Variants in VEPH1 observed in about 807,000 individuals in gnomAD.
VEPH1 encodes ventricular zone-expressed PH domain-containing protein homolog 1.
VEPH1 carries 80 observed loss-of-function variants against 85.2 expected under a neutral mutation model. That is an observed-to-expected ratio of 0.94 (90% CI 0.78 to 1.13). VEPH1 has a LOEUF of 1.13. Ranked by LOEUF, VEPH1 falls within the 50% of genes most tolerant of loss-of-function variation. The probability of loss-of-function intolerance (pLI) is 0.00; values close to 1 mark genes in which losing one functional copy is unlikely to be tolerated. For missense variants in VEPH1, 955 were observed against 980.5 expected (o/e 0.97, Z 0.35); for synonymous variants, 297 against 348.0 (o/e 0.85, Z 1.63).
chr3:157,319,047 GA>G (rs2108540839), intron 9 of VEPH1, among the ~76,000 whole-genome samples: 1 of 152,220 alleles, frequency 6.6e-6, no homozygotes, highest in South Asian at 2.1e-4. Context: ...AGGCTTTCAG[GA>G]AAAGTTTGAA....
chr3:157,270,713 G>A (rs955844680), intron 12 of VEPH1, among the ~76,000 whole-genome samples: 2 of 151,806 alleles, frequency 1.3e-5, no homozygotes, highest in Admixed American at 6.6e-5. Context: ...ATGTATTTTC[G>A]AGCACAGATA....
intron 7 of VEPH1, 160 bp downstream of exon 7, chr3:157,380,996 A>G: frequency 1.4e-6 from 1 of 695,586 alleles, no homozygotes; most frequent in East Asian, 2.7e-5. Context: ...TCACACATTT[A>G]GAAGAAAGAT....
intron 5 of VEPH1, among the ~76,000 whole-genome samples, chr3:157,427,791 C>T (rs1732861239): frequency 6.6e-6 from 1 of 152,178 alleles, no homozygotes; most frequent in South Asian, 2.1e-4. Flanking sequence ...TTGACTGGGT[C>T]ATGGGGCACC....
intron 2 of VEPH1, among the ~76,000 whole-genome samples, chr3:157,493,544 G>A (rs1219821877): frequency 6.6e-6 from 1 of 152,146 alleles, no homozygotes; most frequent in Admixed American, 6.5e-5. Flanking sequence ...CCATGAGAGG[G>A]TTACAGATAG....
intron 9 of VEPH1, among the ~76,000 whole-genome samples, chr3:157,320,346 G>C (rs1721221821): frequency 6.6e-6 from 1 of 152,150 alleles, no homozygotes; most frequent in African/African-American, 2.4e-5. Context: ...TGGAGAAGGA[G>C]ATATTTGAGG....
intron 6 of VEPH1, among the ~76,000 whole-genome samples, chr3:157,413,216 GA>G (rs1731655910): frequency 6.6e-6 from 1 of 152,062 alleles, no homozygotes; most frequent in Admixed American, 6.6e-5. Flanking sequence ...TTTGAAACCT[GA>G]ATTTCTGAAA....
intron 11 of VEPH1, among the ~76,000 whole-genome samples, chr3:157,304,031 A>ATATATATATATATATATC (rs1719166561): frequency 8.1e-6 from 1 of 123,212 alleles, no homozygotes; most frequent in African/African-American, 2.7e-5. Context: ...TTTTATATAT[A>ATATATATATATATATATC]TATATATACA....
Position 157,460,318 on chromosome 3 carries a change from G to C in VEPH1, c.392C>G (p.Pro131Arg). The change falls in exon 4 of 14, where the codon CCC becomes CGC. Residue 131 changes from proline to arginine, a missense_variant. Physicochemically the swap from Pro to Arg is moderately radical, Grantham distance 103. Coordinates refer to ENST00000362010, the MANE Select transcript of VEPH1 (RefSeq NM_001167912.2). ...NRPPVMALAIPIAVKFLHRGN... is the reference protein window; with the variant it reads ...NRPPVMALAIRIAVKFLHRGN... ...TCTGTGGAGGAATTTCACTGCAATGGGGATGGCTAATGCCATCACTGGGGG... is the reference window on the plus strand; with the variant it reads ...TCTGTGGAGGAATTTCACTGCAATGCGGATGGCTAATGCCATCACTGGGGG... 3 of 1,614,076 alleles carry C rather than the reference G, an allele frequency of 1.9e-6. No homozygotes were observed. The highest frequency in any genetic ancestry group is 1.1e-5 in the South Asian group (1 of 91,070).
At chr3:157,281,581 C>T (rs973108581) in intron 12 of VEPH1, among the ~76,000 whole-genome samples, 12 of 151,832 alleles carry the variant, frequency 7.9e-5, no homozygotes, top group East Asian at 3.9e-4. Context: ...GCTTGCCACC[C>T]GGCTGGAGTG....
At chr3:157,282,741 T>A (rs1258021359) in intron 12 of VEPH1, among the ~76,000 whole-genome samples, 3 of 152,188 alleles carry the variant, frequency 2.0e-5, no homozygotes, top group Non-Finnish European at 4.4e-5. Context: ...ACTCTTACTG[T>A]CAACATACAC....
intron 2 of VEPH1, among the ~76,000 whole-genome samples, chr3:157,489,937 T>A (rs1012402201): frequency 5.3e-5 from 8 of 151,850 alleles, no homozygotes; most frequent in African/African-American, 1.2e-4. Context: ...AATATAATTT[T>A]AAAAAAGAAT....
chr3:157,493,054 C>G (rs1377122730), intron 2 of VEPH1: 2 of 297,656 alleles, frequency 6.7e-6, no homozygotes, highest in Admixed American at 4.7e-5. Context: ...TCTCCCCCAC[C>G]ACTGATAGGG....
intron 2 of VEPH1, among the ~76,000 whole-genome samples, chr3:157,483,756 C>T (rs997685201): frequency 6.6e-6 from 1 of 151,914 alleles, no homozygotes; most frequent in African/African-American, 2.4e-5. Flanking sequence ...CAGAATACGA[C>T]GGATAGGAGG....
rs150924781 is a variant in VEPH1 at position 157,474,575 on chromosome 3, T to C, written c.139-4046A>G. On this transcript the variant is annotated intron_variant, in intron 2 of 13. Transcript: ENST00000362010. ...AATAGTAAAAAATATGCCTAGTACA[T>C]AGAGTATACAGAAGTCCTTGATCAT... Among the ~76,000 whole-genome samples the C allele has an allele frequency of 4.1e-3, 618 of 152,334 alleles. 2 individuals are homozygous for C. Among genetic ancestry groups the C allele is most frequent in the African/African-American group, 0.014 (581 of 41,570 alleles).
At chr3:157,417,436 C>T (rs1316936024) in intron 5 of VEPH1, among the ~76,000 whole-genome samples, 4 of 152,188 alleles carry the variant, frequency 2.6e-5, no homozygotes, top group African/African-American at 9.6e-5. Context: ...CCTCAAGTCT[C>T]TGTCCCTTCT....
intron 2 of VEPH1, among the ~76,000 whole-genome samples, chr3:157,481,973 A>G (rs1408875828): frequency 6.6e-6 from 1 of 152,100 alleles, no homozygotes; most frequent in African/African-American, 2.4e-5. Flanking sequence ...CAAAGATCAG[A>G]TAGTTGTAGG....
rs960670437 is a variant in VEPH1 at position 157,260,451 on chromosome 3, T to C, written c.*683A>G. 6.6e-5 allele frequency: 10 copies of C among 152,194 alleles called. No individual in the cohort carries two copies. The highest frequency in any genetic ancestry group is 2.4e-4 in the African/African-American group (10 of 41,460). 9.4% of individuals were successfully genotyped at this position (152,194 alleles called of 1,614,324 possible). ...TATCCTTTTCCTATATTACACTTAGTGCCTTGGGCAGGATATATGTCCAAG... is the reference window on the plus strand; with the variant it reads ...TATCCTTTTCCTATATTACACTTAGCGCCTTGGGCAGGATATATGTCCAAG... On this transcript the variant is annotated 3_prime_UTR_variant, in exon 14 of 14. Transcript: ENST00000362010.
At chr3:157,436,939 T>C (rs925015960) in intron 4 of VEPH1, 1 of 1,613,598 alleles carries the variant, frequency 6.2e-7, no homozygotes, top group Non-Finnish European at 8.5e-7. Flanking sequence ...CAGCAATGCA[T>C]CTCCTTGCGA....
chr3:157,482,428 G>GT (rs368706446), intron 2 of VEPH1, among the ~76,000 whole-genome samples: 152 of 152,262 alleles, frequency 1.0e-3, no homozygotes, highest in African/African-American at 3.7e-3. Flanking sequence ...GTTTCACCAT[G>GT]TTGGCCAGGC....
Sources: gnomAD v4.1 joint callset for allele counts (sites outside exome capture counted in the v4.1 genomes callset) on GRCh38, gnomAD v4.1.1 for gene constraint, MANE v1.5 for transcripts, NCBI Gene and HGNC (gene_info 2026-07-23, HGNC 2026-07-21) for gene names.